Variants in TJP3 observed in about 807,000 individuals in gnomAD.
TJP3 encodes tight junction protein 3.
TJP3 carries 85 observed loss-of-function variants against 104.2 expected under a neutral mutation model. That is an observed-to-expected ratio of 0.82 (90% CI 0.68 to 0.98). TJP3 has a LOEUF of 0.98. Among genes scored for constraint, TJP3 ranks in the 50% least tolerant of loss-of-function variants. The probability of loss-of-function intolerance (pLI) is 0.00; values close to 1 mark genes in which losing one functional copy is unlikely to be tolerated. For missense variants in TJP3, 1,367 were observed against 1,322.8 expected (o/e 1.03, Z -0.52); for synonymous variants, 550 against 550.6 (o/e 1.00, Z 0.02).
At chr19:3,734,177 G>C (rs3746122) in intron 7 of TJP3, 150 bp from the exon 8 acceptor site, 308,957 of 924,682 alleles carry the variant, frequency 0.33, 53,817 homozygotes, top group Admixed American at 0.55. Flanking sequence ...GTGAGCCACC[G>C]TGCCCAGCTC....
At position 3,738,761 on chromosome 19, in the gene TJP3, C is replaced by T. The variant is rs1444425987; in HGVS notation, c.1393+98C>T. 2.3e-6 allele frequency: 3 copies of T among 1,325,342 alleles called. No homozygotes were observed. The South Asian group carries it at 3.9e-5, about 17-fold the overall frequency. 82.1% of individuals were successfully genotyped at this position (1,325,342 alleles called of 1,614,324 possible). A position where few individuals can be genotyped will look rare whatever the true frequency, so the allele number is the denominator to read the frequency against. ...TGCAGGGATGTGGTTGAATCTGCAT[C>T]TCTGCACCCTCCATCCCTCTCCCTG... is the stretch of plus-strand genomic sequence containing the variant. On this transcript the variant is annotated intron_variant, in intron 12 of 20. Transcript: ENST00000541714.
chr19:3,734,276 C>A (rs780152576), intron 7 of TJP3, 51 bp from the exon 8 acceptor site: 1 of 1,583,158 alleles, frequency 6.3e-7, no homozygotes, highest in Non-Finnish European at 8.6e-7. Flanking sequence ...TAAAATGGGT[C>A]CAGTCCAGAA....
intron 14 of TJP3, among the ~76,000 whole-genome samples, chr19:3,741,814 C>CA (rs1319589950): frequency 6.7e-6 from 1 of 149,104 alleles, no homozygotes; most frequent in South Asian, 2.1e-4. Flanking sequence ...ACTAAAAGTA[C>CA]AAAAAATTAG....
Position 3,730,250 on chromosome 19 carries a change from G to T in TJP3, c.262-105G>T. The T allele has an allele frequency of 6.8e-7, 1 of 1,479,684 alleles. No homozygotes were observed. The allele number at this position is 1,479,684 out of a possible 1,614,324, so 91.7% of individuals were successfully genotyped here. A position where few individuals can be genotyped will look rare whatever the true frequency, so the allele number is the denominator to read the frequency against. ...CTTCTCATCTTACAGTTTGGACATT[G>T]AGGCCCAGAGAGAGACTGGTGTCCC... On this transcript the variant is annotated intron_variant, in intron 4 of 20. Coordinates refer to ENST00000541714, the MANE Select transcript of TJP3 (RefSeq NM_001267560.2). The surrounding 1 kb of genome is among the most constrained non-coding windows in gnomAD (Gnocchi z 7.3).
Position 3,746,016 on chromosome 19 carries a change from G to A in TJP3, c.1945G>A (p.Val649Met), listed in dbSNP as rs773548328. The A allele has an allele frequency of 1.2e-6, 2 of 1,605,800 alleles. No individual in the cohort carries two copies. The highest frequency in any genetic ancestry group is 4.5e-5 in the East Asian group (2 of 44,666). Residue 649 changes from valine (V) to methionine (M), a missense_variant, in exon 16 of 21, where the codon GTG becomes ATG. Coordinates refer to ENST00000541714, the MANE Select transcript of TJP3 (RefSeq NM_001267560.2). The surrounding 1 kb of genome is among the most constrained non-coding windows in gnomAD (Gnocchi z 4.1). ...MPDQFEIAET[V>M]SRTDSPSKII... is the part of the protein sequence containing the mutation. Reference sequence around the variant, plus strand: ...GTCCTCTCTGCCGTCCACAGAGACTGTGTCCAGGACCGACAGCCCCTCCAA... The same window carrying A: ...GTCCTCTCTGCCGTCCACAGAGACTATGTCCAGGACCGACAGCCCCTCCAA...
At chr19:3,744,182 C>T in intron 15 of TJP3, 148 bp downstream of exon 15, 1 of 664,674 alleles carries the variant, frequency 1.5e-6, no homozygotes, top group Non-Finnish European at 2.6e-6. Context: ...AGCCAGACAT[C>T]CTCAATCCAT....
chr19:3,743,769 G>A (rs2036851569), intron 14 of TJP3, 170 bp from the exon 15 acceptor site: 2 of 604,486 alleles, frequency 3.3e-6, no homozygotes, highest in Non-Finnish European at 5.8e-6. Context: ...TTGGTCATAA[G>A]GCTAACCTAG....
In TJP3 at chr19:3,747,974, G is replaced by T. The variant is rs1479379980; in HGVS notation, c.2503G>T (p.Asp835Tyr). The T allele has an allele frequency of 6.2e-7, 1 of 1,612,636 alleles. No individual in the cohort carries two copies. The highest frequency in any genetic ancestry group is 1.3e-5 in the African/African-American group (1 of 74,946). ...GGGGGGGCCCTACACGGATGTGGAT[G>T]ATGAGCCCCCGGCTCCAGCCCTGGC... ...GEGGPYTDVDDEPPAPALARS... is the reference protein window; with the variant it reads ...GEGGPYTDVDYEPPAPALARS... Residue 835 changes from aspartate (D) to tyrosine (Y), a missense_variant, in exon 19 of 21, where the codon GAT becomes TAT. Transcript: ENST00000541714.
At position 3,738,952 on chromosome 19, in the gene TJP3, C is replaced by G; in HGVS notation, c.1449C>G (p.His483Gln). Residue 483 changes from histidine (H) to glutamine (Q), a missense_variant, in exon 13 of 21, where the codon CAC becomes CAG. Coordinates refer to ENST00000541714, the MANE Select transcript of TJP3 (RefSeq NM_001267560.2). The part of the protein sequence containing the change: ...RVGDSFYIRT[H>Q]FELEPSPPSG... The stretch of plus-strand genomic sequence containing the variant: ...GTGACTCCTTCTACATCCGCACTCA[C>G]TTTGAGCTGGAGCCCAGTCCACCGT... 1.2e-6 allele frequency: 2 copies of G among 1,613,184 alleles called. No individual in the cohort carries two copies. The highest frequency in any genetic ancestry group is 1.7e-6 in the Non-Finnish European group (2 of 1,179,756).
intron 1 of TJP3, among the ~76,000 whole-genome samples, chr19:3,711,704 A>AAC (rs1273717018): frequency 8.1e-6 from 1 of 122,790 alleles, no homozygotes; most frequent in Non-Finnish European, 1.6e-5. Context: ...CAGCCTGGCT[A>AAC]ACATGGTGAA....
chr19:3,728,453 G>A lies in TJP3; in HGVS notation c.21G>A (p.Trp7Ter). 2 of 1,613,878 alleles carry A rather than the reference G, an allele frequency of 1.2e-6. No homozygotes were observed. The highest frequency in any genetic ancestry group is 8.5e-7 in the Non-Finnish European group (1 of 1,179,938). Reference protein sequence around the residue: MEELTIWEQHTATLSKD... With the variant: MEELTI ...CTGACATGGAGGAGCTGACCATCTG[G>A]GAACAGCACACGGCCACACTGTCCA... The change falls in exon 2 of 21, where the codon TGG (tryptophan) becomes TGA (stop). Residue 7 changes from tryptophan to a stop codon, truncating the protein, a stop_gained. Transcript: ENST00000541714. LOFTEE classifies it high-confidence loss of function.
intron 1 of TJP3, chr19:3,721,516 G>A (rs577659361): frequency 1.7e-5 from 3 of 173,798 alleles, no homozygotes; most frequent in East Asian, 1.5e-4. Flanking sequence ...AAGCGCGGGG[G>A]TTATTCCTGC....
Position 3,746,475 on chromosome 19 carries a change from C to T in TJP3, c.2011-10C>T. The stretch of plus-strand genomic sequence containing the variant: ...TCCCCCTCACCCCAACGTCCGCCGG[C>T]CTGGCCCAGGACAAGCATGCGCTCC... On this transcript the variant is annotated splice_polypyrimidine_tract_variant and intron_variant, in intron 16 of 20. Coordinates refer to ENST00000541714, the MANE Select transcript of TJP3 (RefSeq NM_001267560.2). The surrounding 1 kb of genome is among the most constrained non-coding windows in gnomAD (Gnocchi z 4.1). 6.2e-7 allele frequency: 1 copy of T among 1,613,620 alleles called. No homozygotes were observed. Among genetic ancestry groups the T allele is most frequent in the Non-Finnish European group, 8.5e-7 (1 of 1,179,898 alleles).
chr19:3,735,753 T>A, intron 9 of TJP3, 114 bp downstream of exon 9: 1 of 1,583,154 alleles, frequency 6.3e-7, no homozygotes, highest in Non-Finnish European at 8.7e-7. Context: ...AGACATGGTT[T>A]CCTGAGAAGG....
chr19:3,730,872 G>A lies in TJP3; in HGVS notation c.613+166G>A, dbSNP rs1435903170. Reference sequence around the variant, plus strand: ...ATTTTTGTACTTTTGGTAGAGATGGGGCTTCACCATGTTGGCAAGGATGGT... The same window carrying A: ...ATTTTTGTACTTTTGGTAGAGATGGAGCTTCACCATGTTGGCAAGGATGGT... On this transcript the variant is annotated intron_variant, in intron 5 of 20. Coordinates refer to ENST00000541714, the MANE Select transcript of TJP3 (RefSeq NM_001267560.2). This position sits in a 1 kb window ranked among gnomAD's most constrained non-coding sequence, Gnocchi z 7.3. 6.6e-6 allele frequency among the ~76,000 whole-genome samples: 1 copy of A among 152,158 alleles called. No homozygotes were observed. The highest frequency in any genetic ancestry group is 2.4e-5 in the African/African-American group (1 of 41,438).
intron 1 of TJP3, among the ~76,000 whole-genome samples, chr19:3,710,530 TC>T (rs2036424287): frequency 6.6e-6 from 1 of 152,126 alleles, no homozygotes; most frequent in Non-Finnish European, 1.5e-5. Flanking sequence ...TGGCCCTGAG[TC>T]CCGGGGAAAG....
chr19:3,730,835 C>A lies in TJP3; in HGVS notation c.613+129C>A. ...GGCTGGGACTCCAGGCGCCCGCCAC[C>A]ATGCCTGGCTAATTTTTGTACTTTT... On this transcript the variant is annotated intron_variant, in intron 5 of 20. Transcript: ENST00000541714. The surrounding 1 kb of genome is among the most constrained non-coding windows in gnomAD (Gnocchi z 7.3). 1 of 975,720 alleles carries A rather than the reference C, an allele frequency of 1.0e-6. No homozygotes were observed. Among genetic ancestry groups the A allele is most frequent in the Non-Finnish European group, 1.5e-6 (1 of 681,440 alleles). 60.4% of individuals were successfully genotyped at this position (975,720 alleles called of 1,614,324 possible).
chr19:3,727,824 G>A (rs1411763049), intron 1 of TJP3, among the ~76,000 whole-genome samples: 1 of 151,828 alleles, frequency 6.6e-6, no homozygotes, highest in Non-Finnish European at 1.5e-5. Flanking sequence ...CCAGTAGGCA[G>A]CCAGCTACTC....
chr19:3,739,225 C>G (rs1365183380), intron 13 of TJP3, 91 bp downstream of exon 13: 1 of 1,238,372 alleles, frequency 8.1e-7, no homozygotes, highest in African/African-American at 1.5e-5. Flanking sequence ...GACGCGGTGG[C>G]TCAGGCCTGT....
Sources: gnomAD v4.1 joint callset for allele counts (sites outside exome capture counted in the v4.1 genomes callset) on GRCh38, gnomAD v4.1.1 for gene constraint, Gnocchi (gnomAD v3.1) non-coding constraint, MANE v1.5 for transcripts, NCBI Gene and HGNC (gene_info 2026-07-23, HGNC 2026-07-21) for gene names.